The following DPP6 variants were observed in gnomAD, a reference collection of about 807,000 sequenced individuals.
DPP6 encodes A-type potassium channel modulatory protein DPP6.
In DPP6, 69 loss-of-function variants were observed where a neutral mutation model predicts 122.6. The observed-to-expected ratio is 0.56, with a 90% confidence interval of 0.46 to 0.69. The LOEUF is 0.69. Ranked by LOEUF, DPP6 falls within the 30% of genes least tolerant of loss-of-function variation. The pLI, the probability that DPP6 is intolerant of heterozygous loss-of-function variation, is 0.00. For synonymous variants in DPP6, 418 were observed against 433.1 expected (o/e 0.97, Z 0.43); for missense variants, 928 against 1,116.9 (o/e 0.83, Z 2.41).
chr7:154,367,488 G>A lies in DPP6; in HGVS notation c.244-78726G>A, dbSNP rs560319206. On this transcript the variant is annotated intron_variant, in intron 1 of 25. Coordinates refer to ENST00000377770, the MANE Select transcript of DPP6 (RefSeq NM_130797.4). ...ATTTCTATAACAATTTGAGAAGCTT[G>A]GCCTTATAAGAAAATCTCCACCAAC... Among the ~76,000 whole-genome samples, 8 of 152,222 alleles carry A rather than the reference G, an allele frequency of 5.3e-5. No homozygotes were observed. In the East Asian group the frequency reaches 5.8e-4, roughly 11 times the overall value.
At chr7:154,487,628 C>T (rs1442334167) in intron 3 of DPP6, among the ~76,000 whole-genome samples, 1 of 152,120 alleles carries the variant, frequency 6.6e-6, no homozygotes, top group Non-Finnish European at 1.5e-5. Flanking sequence ...GAGATTCTGC[C>T]GCGTCCTCTT....
At chr7:154,072,647 C>T (rs535553235) in intron 1 of DPP6, among the ~76,000 whole-genome samples, 5 of 152,286 alleles carry the variant, frequency 3.3e-5, no homozygotes, top group Non-Finnish European at 7.3e-5. Flanking sequence ...GGCTCTTGCA[C>T]GCAAGTGTGG....
intron 7 of DPP6, among the ~76,000 whole-genome samples, chr7:154,679,682 A>G (rs780979942): frequency 6.6e-6 from 1 of 152,248 alleles, no homozygotes; most frequent in Non-Finnish European, 1.5e-5. Context: ...GGAGAAGACC[A>G]GACTAAAGTG....
the DPP6 span, among the ~76,000 whole-genome samples, chr7:153,868,387 T>C: frequency 1.3e-5 from 2 of 152,214 alleles, no homozygotes; most frequent in African/African-American, 4.8e-5. Flanking sequence ...TGGGAGGGTG[T>C]ATGTGTCTAG....
the DPP6 span, among the ~76,000 whole-genome samples, chr7:153,812,211 C>A: frequency 6.6e-6 from 1 of 152,222 alleles, no homozygotes; most frequent in East Asian, 1.9e-4. Flanking sequence ...GACCCTCTCT[C>A]GTGCATTTCC....
chr7:154,873,299 C>T (rs3807284), intron 19 of DPP6, among the ~76,000 whole-genome samples: 25,323 of 152,162 alleles, frequency 0.17, 2,483 homozygotes, highest in East Asian at 0.54. Flanking sequence ...CCTGACAGCC[C>T]TGAGTCTAGG....
chr7:153,825,586 A>G, the DPP6 span, among the ~76,000 whole-genome samples: 1 of 151,652 alleles, frequency 6.6e-6, no homozygotes, highest in African/African-American at 2.4e-5. Flanking sequence ...TTTTTGAGAC[A>G]TCTCACTCTG....
chr7:153,884,006 TA>T (rs1329498956), upstream of DPP6, among the ~76,000 whole-genome samples: 1 of 152,158 alleles, frequency 6.6e-6, no homozygotes, highest in Non-Finnish European at 1.5e-5. Context: ...GGGGAATTTT[TA>T]TTTTTTATTT....
intron 1 of DPP6, among the ~76,000 whole-genome samples, chr7:154,213,068 C>T (rs887904810): frequency 1.3e-5 from 2 of 152,142 alleles, no homozygotes; most frequent in Non-Finnish European, 2.9e-5. Flanking sequence ...CTGCTGCTCT[C>T]GAAGGGCTGT....
intron 23 of DPP6, among the ~76,000 whole-genome samples, chr7:154,888,040 T>C (rs1319189640): frequency 1.3e-5 from 2 of 151,464 alleles, no homozygotes; most frequent in African/African-American, 4.9e-5. Flanking sequence ...TGCACAGGAC[T>C]CCTGGCTCTC....
At chr7:153,767,973 TG>T in the DPP6 span, among the ~76,000 whole-genome samples, 2 of 152,094 alleles carry the variant, frequency 1.3e-5, no homozygotes, top group Non-Finnish European at 2.9e-5. Flanking sequence ...TTTAAGAACT[TG>T]AAAAGTATTT....
chr7:154,058,861 C>T lies in DPP6; in HGVS notation c.243+5798C>T, dbSNP rs1401274602. The T allele has an allele frequency of 2.8e-5, 4 of 142,198 alleles. 1 individual carries two copies. The highest frequency in any genetic ancestry group is 2.4e-4 in the East Asian group (1 of 4,152). The allele number at this position is 142,198 out of a possible 1,614,324, so 8.8% of individuals were successfully genotyped here. A position where few individuals can be genotyped will look rare whatever the true frequency, so the allele number is the denominator to read the frequency against. Reference sequence around the variant, plus strand: ...CGCCCCTGGCTGTTAGTACCCCCATCGCAGGTGGGGAGGCACCCCCTACGA... The same window carrying T: ...CGCCCCTGGCTGTTAGTACCCCCATTGCAGGTGGGGAGGCACCCCCTACGA... On this transcript the variant is annotated intron_variant, in intron 1 of 25. Coordinates refer to ENST00000377770, the MANE Select transcript of DPP6 (RefSeq NM_130797.4).
chr7:154,757,796 T>C (rs1392702968), intron 8 of DPP6, among the ~76,000 whole-genome samples: 1 of 152,196 alleles, frequency 6.6e-6, no homozygotes, highest in Non-Finnish European at 1.5e-5. Context: ...ATAATCCCTG[T>C]TACCACAGGG....
chr7:154,053,533 A>C (rs1800569040), intron 1 of DPP6, among the ~76,000 whole-genome samples: 4 of 146,848 alleles, frequency 2.7e-5, no homozygotes, highest in Non-Finnish European at 3.0e-5. Context: ...CTCCTCTCCT[A>C]CTCACTCTGT....
At chr7:154,216,705 G>A (rs1323643708) in intron 1 of DPP6, among the ~76,000 whole-genome samples, 1 of 152,122 alleles carries the variant, frequency 6.6e-6, no homozygotes, top group Non-Finnish European at 1.5e-5. Flanking sequence ...TGAGTCCCAG[G>A]AGGAAGACAG....
intron 1 of DPP6, among the ~76,000 whole-genome samples, chr7:154,368,005 A>G (rs987197445): frequency 2.0e-5 from 3 of 151,938 alleles, no homozygotes; most frequent in Non-Finnish European, 2.9e-5. Flanking sequence ...ACAGGGTTTT[A>G]CCATGTTGGC....
chr7:154,300,603 T>C (rs1268682083), intron 1 of DPP6, among the ~76,000 whole-genome samples: 2 of 152,098 alleles, frequency 1.3e-5, no homozygotes, highest in African/African-American at 4.8e-5. Context: ...CCAAGCACTT[T>C]GGAGGGGTCT....
intron 1 of DPP6, among the ~76,000 whole-genome samples, chr7:154,332,826 T>C (rs1809069656): frequency 6.6e-6 from 1 of 152,212 alleles, no homozygotes; most frequent in Non-Finnish European, 1.5e-5. Flanking sequence ...GGAAGGTGCG[T>C]TTGGCCATTT....
chr7:154,147,529 GA>G (rs1460527275), intron 1 of DPP6, among the ~76,000 whole-genome samples: 1 of 150,988 alleles, frequency 6.6e-6, no homozygotes, highest in Non-Finnish European at 1.5e-5. Flanking sequence ...GCTCAGACTG[GA>G]GTGCAATGGT....
Sources: allele counts gnomAD v4.1 joint callset (sites outside exome capture counted in the v4.1 genomes callset), GRCh38; gene constraint gnomAD v4.1.1; transcripts MANE v1.5; gene names NCBI Gene and HGNC (gene_info 2026-07-23, HGNC 2026-07-21).